The following SEMA5A variants were observed in gnomAD, a reference collection of about 807,000 sequenced individuals.
SEMA5A encodes the protein semaphorin 5A, also known as semaphorin-5A.
SEMA5A carries 55 observed loss-of-function variants against 135.5 expected under a neutral mutation model. That is an observed-to-expected ratio of 0.41 (90% CI 0.33 to 0.51). The LOEUF is 0.51. Among genes scored for constraint, SEMA5A ranks in the 20% least tolerant of loss-of-function variants. The pLI, the probability that SEMA5A is intolerant of heterozygous loss-of-function variation, is 0.37. For missense variants in SEMA5A, 1,290 were observed against 1,419.9 expected, an observed-to-expected ratio of 0.91 and a Z score of 1.47; for synonymous variants, 580 against 546.5, an observed-to-expected ratio of 1.06 and a Z score of -0.85.
intron 2 of SEMA5A, among the ~76,000 whole-genome samples, chr5:9,406,242 G>A (rs1457933467): frequency 1.3e-5 from 2 of 152,182 alleles, no homozygotes; most frequent in Non-Finnish European, 2.9e-5. Context: ...TCCAGCAGAG[G>A]CAGCGATACT....
intron 11 of SEMA5A, among the ~76,000 whole-genome samples, chr5:9,162,464 G>GTGTA (rs1553995381): frequency 4.3e-4 from 55 of 127,978 alleles, no homozygotes; most frequent in African/African-American, 1.7e-3. Flanking sequence ...ATATGTGTGT[G>GTGTA]TATATATATG....
In SEMA5A at chr5:9,042,992, G is replaced by C; in HGVS notation, c.3130C>G (p.Leu1044Val). 6.2e-7 allele frequency: 1 copy of C among 1,610,214 alleles called. No homozygotes were observed. Among genetic ancestry groups the C allele is most frequent in the Non-Finnish European group, 8.5e-7 (1 of 1,178,406 alleles). ...TTGAAGTATTTGTTTCTTTCCTCTA[G>C]GATCAAGTTGTTTTTGTTAAATGCC... ...IKAFNKNNLI[L>V]EERNKYFNPH... Residue 1044 changes from leucine (L) to valine (V), a missense_variant, in exon 23 of 23, where the codon CTA becomes GTA. Leu to Val is a conservative substitution (Grantham distance 32). Around this residue, in one of 3 missense-constraint regions of SEMA5A, gnomAD observed 1,029 missense variants for 1,086.6 expected, o/e 0.95. Coordinates refer to ENST00000382496, the MANE Select transcript of SEMA5A (RefSeq NM_003966.3).
intron 5 of SEMA5A, among the ~76,000 whole-genome samples, chr5:9,296,161 C>A (rs1381938701): frequency 6.6e-6 from 1 of 152,038 alleles, no homozygotes; most frequent in African/African-American, 2.4e-5. Context: ...TTGAACCCCA[C>A]AGAAGGAAAG....
At chr5:9,183,671 T>C (rs1216296932) in intron 11 of SEMA5A, among the ~76,000 whole-genome samples, 3 of 152,218 alleles carry the variant, frequency 2.0e-5, no homozygotes, top group African/African-American at 7.2e-5. Flanking sequence ...CTCATTATGC[T>C]CCATTGCACC....
intron 5 of SEMA5A, among the ~76,000 whole-genome samples, chr5:9,250,748 C>A (rs1748730570): frequency 1.3e-5 from 2 of 151,938 alleles, no homozygotes; most frequent in African/African-American, 4.8e-5. Flanking sequence ...CTAAGTCAAG[C>A]AAATAAGATA....
chr5:9,121,043 G>C (rs942311075), intron 14 of SEMA5A, among the ~76,000 whole-genome samples: 4 of 152,138 alleles, frequency 2.6e-5, no homozygotes, highest in African/African-American at 9.7e-5. Flanking sequence ...CTCCCAAAGA[G>C]TTGAGATTAC....
At chr5:9,221,933 C>T (rs3797954) in intron 8 of SEMA5A, among the ~76,000 whole-genome samples, 66,224 of 151,850 alleles carry the variant, frequency 0.44, 14,836 homozygotes, top group Middle Eastern at 0.52. Flanking sequence ...TAGACCATTA[C>T]GGAGCTGACC....
chr5:9,262,852 TA>T (rs1471410505), intron 5 of SEMA5A, among the ~76,000 whole-genome samples: 85 of 122,700 alleles, frequency 6.9e-4, no homozygotes, highest in African/African-American at 2.6e-3. Flanking sequence ...CATATGTAAC[TA>T]ACCTGCACAA....
chr5:9,182,150 C>A (rs1482084773), intron 11 of SEMA5A, among the ~76,000 whole-genome samples: 2 of 107,164 alleles, frequency 1.9e-5, no homozygotes, highest in African/African-American at 8.8e-5. Context: ...ATTGCTTCTG[C>A]CCCCCACCCC....
rs758664085 is a variant in SEMA5A at position 9,062,894 on chromosome 5, G to A, written c.2511C>T (p.Pro837=). The A allele has an allele frequency of 6.2e-7, 1 of 1,614,236 alleles. No homozygotes were observed. Among genetic ancestry groups the A allele is most frequent in the Admixed American group, 1.7e-5 (1 of 60,020 alleles). ...SLEYQECNIL[P]CPVDGVWSCW... is the part of the protein sequence containing the mutation. ...ACTACACAATCCACTTACCTGGGCA[G>A]GGCAAAATGTTGCATTCCTGGTATT... The change falls in exon 18 of 23, where the codon CCC becomes CCT. Residue 837 remains proline, a synonymous_variant. Transcript: ENST00000382496.
intron 2 of SEMA5A, among the ~76,000 whole-genome samples, chr5:9,385,871 G>A (rs13159538): frequency 0.046 from 6,448 of 140,444 alleles, 193 homozygotes; most frequent in Middle Eastern, 0.096. Context: ...GCATGATCTC[G>A]GCTCACTGCA....
At chr5:9,256,497 CTA>C (rs1414187710) in intron 5 of SEMA5A, among the ~76,000 whole-genome samples, 1 of 152,174 alleles carries the variant, frequency 6.6e-6, no homozygotes, top group Non-Finnish European at 1.5e-5. Context: ...AACTGCCACT[CTA>C]TAAGAGTAGA....
chr5:9,296,902 C>CAAAAAAAAAAAAAAAAAAAAAAAAAAAA (rs34923583), intron 5 of SEMA5A, among the ~76,000 whole-genome samples: 1 of 134,682 alleles, frequency 7.4e-6, no homozygotes, highest in Non-Finnish European at 1.6e-5. Context: ...ACTGTGATCT[C>CAAAAAAAAAAAAAAAAAAAAAAAAAAAA]AAAAAAAAAA....
chr5:9,072,896 A>G (rs1035929270), intron 16 of SEMA5A, among the ~76,000 whole-genome samples: 1 of 152,212 alleles, frequency 6.6e-6, no homozygotes. Context: ...AAATCAGTCA[A>G]TTGAAACTGA....
intron 9 of SEMA5A, among the ~76,000 whole-genome samples, chr5:9,199,501 G>T (rs917937575): frequency 6.6e-6 from 1 of 152,204 alleles, no homozygotes; most frequent in Non-Finnish European, 1.5e-5. Context: ...CCTGTGGGCA[G>T]GCGAGGGCAG....
intron 3 of SEMA5A, among the ~76,000 whole-genome samples, chr5:9,355,384 C>A (rs935943996): frequency 1.3e-5 from 2 of 152,050 alleles, no homozygotes; most frequent in African/African-American, 2.4e-5. Flanking sequence ...ATGGGATAGA[C>A]CACAGTGGTC....
chr5:9,098,516 G>T (rs1474850421), intron 16 of SEMA5A, among the ~76,000 whole-genome samples: 1 of 152,122 alleles, frequency 6.6e-6, no homozygotes, highest in Non-Finnish European at 1.5e-5. Flanking sequence ...ATTTGGAAAA[G>T]AATATTGTCT....
intron 3 of SEMA5A, among the ~76,000 whole-genome samples, chr5:9,358,884 A>G (rs1322040629): frequency 6.6e-6 from 1 of 152,240 alleles, no homozygotes; most frequent in East Asian, 1.9e-4. Context: ...AGGTTGAGGC[A>G]TTGAGGTACA....
At chr5:9,471,483 C>T (rs1214980271) in intron 1 of SEMA5A, among the ~76,000 whole-genome samples, 1 of 152,076 alleles carries the variant, frequency 6.6e-6, no homozygotes, top group Non-Finnish European at 1.5e-5. Context: ...ATACATAATC[C>T]ACCAGAAAGA....
Sources: allele counts gnomAD v4.1 joint callset (sites outside exome capture counted in the v4.1 genomes callset), GRCh38; gene constraint gnomAD v4.1.1; regional missense constraint gnomAD v4.1.1; transcripts MANE v1.5; gene names NCBI Gene and HGNC (gene_info 2026-07-23, HGNC 2026-07-21).